The following LRRC4C variants were observed in gnomAD, a reference collection of about 807,000 sequenced individuals.
LRRC4C encodes leucine-rich repeat-containing protein 4C.
Under a neutral mutation model 33.6 loss-of-function variants are expected in LRRC4C, and 5 were observed. That is an observed-to-expected ratio of 0.15 (90% CI 0.08 to 0.31). The LOEUF (loss-of-function observed/expected upper bound fraction) is 0.31, where lower values mean the gene tolerates loss of function less well. LRRC4C is among the 10% of genes least tolerant of loss of function. The pLI is 1.00. For missense variants in LRRC4C, 560 were observed against 796.7 expected (o/e 0.70, Z 3.58); for synonymous variants, 329 against 302.0 (o/e 1.09, Z -0.93).
At position 41,255,334 on chromosome 11, in the gene LRRC4C, G is replaced by T. The variant is rs1420866685; in HGVS notation, c.-496+204097C>A. On this transcript the variant is annotated intron_variant, in intron 1 of 6. Coordinates refer to ENST00000528697, the MANE Select transcript of LRRC4C (RefSeq NM_001258419.2). Reference sequence around the variant, plus strand: ...TGCTTAGAAGTAATTTTAAAATACTGTCAACTAATAAAAACAAACACAATA... The same window carrying T: ...TGCTTAGAAGTAATTTTAAAATACTTTCAACTAATAAAAACAAACACAATA... Among the ~76,000 whole-genome samples, 6 of 151,918 alleles carry T rather than the reference G, an allele frequency of 3.9e-5. No homozygotes were observed. In the East Asian group the frequency reaches 1.2e-3, roughly 29 times the overall value.
rs186203479 is a variant in LRRC4C, at chr11:41,289,749, T to A, written c.-496+169682A>T. Among the ~76,000 whole-genome samples the A allele has an allele frequency of 5.1e-4, 77 of 152,288 alleles. 1 individual carries two copies. The highest frequency in any genetic ancestry group is 1.4e-3 in the Admixed American group (21 of 15,302). On this transcript the variant is annotated intron_variant, in intron 1 of 6. Coordinates refer to ENST00000528697, the MANE Select transcript of LRRC4C (RefSeq NM_001258419.2). ...GCCAACCAGTCTTGTTGTTATATCA[T>A]GTTGTTTTGGCAGCCCTAGCATACT...
At chr11:41,153,689 C>A (rs1013448004) in intron 1 of LRRC4C, among the ~76,000 whole-genome samples, 4 of 152,026 alleles carry the variant, frequency 2.6e-5, no homozygotes, top group Admixed American at 2.6e-4. Flanking sequence ...CACAATAGCC[C>A]CCTTAAACCT....
At chr11:41,250,345 G>A (rs926948158) in intron 1 of LRRC4C, among the ~76,000 whole-genome samples, 1 of 152,154 alleles carries the variant, frequency 6.6e-6, no homozygotes, top group Non-Finnish European at 1.5e-5. Context: ...GATACATCTT[G>A]GGAGTTTCTT....
At chr11:40,567,201 A>T (rs1957800075) in intron 3 of LRRC4C, among the ~76,000 whole-genome samples, 1 of 152,170 alleles carries the variant, frequency 6.6e-6, no homozygotes, top group South Asian at 2.1e-4. Context: ...ATAAACAAAG[A>T]TGTCAAAGAC....
chr11:40,995,678 G>A (rs1443169363), intron 1 of LRRC4C, among the ~76,000 whole-genome samples: 1 of 152,020 alleles, frequency 6.6e-6, no homozygotes, highest in African/African-American at 2.4e-5. Context: ...AGTATCATAT[G>A]TTGCTTCTTG....
At chr11:40,432,678 A>C (rs577569035) in intron 3 of LRRC4C, among the ~76,000 whole-genome samples, 1 of 152,142 alleles carries the variant, frequency 6.6e-6, no homozygotes, top group East Asian at 1.9e-4. Flanking sequence ...AGACTCTAAC[A>C]GTTTCCTTCT....
chr11:41,040,507 TA>T (rs916454127), intron 1 of LRRC4C, among the ~76,000 whole-genome samples: 1 of 152,204 alleles, frequency 6.6e-6, no homozygotes, highest in African/African-American at 2.4e-5. Context: ...GCATTGTGCT[TA>T]AAACTGAATG....
chr11:41,124,480 C>T (rs1172547334), intron 1 of LRRC4C, among the ~76,000 whole-genome samples: 2 of 152,168 alleles, frequency 1.3e-5, no homozygotes, highest in Non-Finnish European at 2.9e-5. Flanking sequence ...CAGCACTTGG[C>T]AATTCACTAT....
At chr11:41,189,853 G>T (rs2136204323) in intron 1 of LRRC4C, among the ~76,000 whole-genome samples, 1 of 152,298 alleles carries the variant, frequency 6.6e-6, no homozygotes, top group South Asian at 2.1e-4. Flanking sequence ...AGCTCCCATT[G>T]CACTGGTCTG....
intron 1 of LRRC4C, among the ~76,000 whole-genome samples, chr11:41,096,780 G>T (rs1940836219): frequency 1.3e-5 from 2 of 152,110 alleles, no homozygotes; most frequent in African/African-American, 4.8e-5. Context: ...ATAAGGTAAA[G>T]CTTTGTAAGT....
intron 1 of LRRC4C, among the ~76,000 whole-genome samples, chr11:41,254,702 C>G (rs183995645): frequency 6.6e-6 from 1 of 152,112 alleles, no homozygotes; most frequent in African/African-American, 2.4e-5. Context: ...TTTAAAACAG[C>G]CCCTGCTGAA....
chr11:40,858,813 C>G (rs1441709763), intron 2 of LRRC4C, among the ~76,000 whole-genome samples: 3 of 150,342 alleles, frequency 2.0e-5, no homozygotes, highest in Non-Finnish European at 4.4e-5. Context: ...GAAAGCCTTA[C>G]TAGTGACAAG....
intron 3 of LRRC4C, among the ~76,000 whole-genome samples, chr11:40,556,033 G>A (rs866495680): frequency 4.0e-5 from 6 of 151,238 alleles, no homozygotes; most frequent in African/African-American, 7.3e-5. Context: ...CTTCTTTCTC[G>A]GTCTTTAGAC....
intron 2 of LRRC4C, among the ~76,000 whole-genome samples, chr11:40,756,007 C>T (rs973139266): frequency 1.4e-4 from 21 of 151,840 alleles, no homozygotes; most frequent in African/African-American, 4.4e-4. Context: ...GACTGGCTTC[C>T]TGATAAGAAG....
chr11:40,518,080 C>G (rs1455991789), intron 3 of LRRC4C, among the ~76,000 whole-genome samples: 1 of 152,108 alleles, frequency 6.6e-6, no homozygotes, highest in African/African-American at 2.4e-5. Context: ...AAACTGGACC[C>G]CTTCCTTACA....
intron 1 of LRRC4C, among the ~76,000 whole-genome samples, chr11:41,267,123 T>C (rs1949175982): frequency 6.6e-6 from 1 of 152,138 alleles, no homozygotes; most frequent in Admixed American, 6.6e-5. Flanking sequence ...TAGCAGATAG[T>C]ACTTTCACAC....
At chr11:40,450,653 C>A (rs1037938678) in intron 3 of LRRC4C, among the ~76,000 whole-genome samples, 7 of 150,970 alleles carry the variant, frequency 4.6e-5, no homozygotes, top group Non-Finnish European at 1.0e-4. Flanking sequence ...ACACATTATA[C>A]AATTAGAAAT....
intron 1 of LRRC4C, among the ~76,000 whole-genome samples, chr11:41,377,457 G>C (rs1048516642): frequency 1.3e-5 from 2 of 152,164 alleles, no homozygotes; most frequent in African/African-American, 4.8e-5. Flanking sequence ...AGCATGGACA[G>C]TTCCACCAGT....
intron 3 of LRRC4C, among the ~76,000 whole-genome samples, chr11:40,624,690 G>A (rs1962768171): frequency 6.6e-6 from 1 of 152,154 alleles, no homozygotes; most frequent in African/African-American, 2.4e-5. Context: ...CTTACAACAA[G>A]TTATGTAAGG....
Sources: allele counts gnomAD v4.1 joint callset (sites outside exome capture counted in the v4.1 genomes callset), GRCh38; gene constraint gnomAD v4.1.1; transcripts MANE v1.5; gene names NCBI Gene and HGNC (gene_info 2026-07-23, HGNC 2026-07-21).